The following CDH4 variants were observed in gnomAD, a reference collection of about 807,000 sequenced individuals.
CDH4 encodes cadherin-4.
In CDH4, 33 loss-of-function variants were observed where a neutral mutation model predicts 86.0. That is an observed-to-expected ratio of 0.38 (90% CI 0.29 to 0.51). The LOEUF (loss-of-function observed/expected upper bound fraction) is 0.51, where lower values mean the gene tolerates loss of function less well. Among genes scored for constraint, CDH4 ranks in the 20% least tolerant of loss-of-function variants. The pLI is 0.86. For synonymous variants in CDH4, 555 were observed against 549.4 expected (o/e 1.01, Z -0.14); for missense variants, 1,114 against 1,307.4 (o/e 0.85, Z 2.28).
intron 7 of CDH4, among the ~76,000 whole-genome samples, chr20:61,893,935 T>A (rs576015430): frequency 6.6e-6 from 1 of 152,222 alleles, no homozygotes; most frequent in African/African-American, 2.4e-5. Context: ...CGGAGCCAGT[T>A]TATGGAACTT....
At chr20:61,421,448 T>C (rs1024881027) in intron 2 of CDH4, among the ~76,000 whole-genome samples, 1 of 152,182 alleles carries the variant, frequency 6.6e-6, no homozygotes, top group African/African-American at 2.4e-5. Context: ...GATGCTTTCA[T>C]TGATAGGAAA....
intron 6 of CDH4, among the ~76,000 whole-genome samples, chr20:61,869,425 C>T (rs756429449): frequency 1.3e-5 from 2 of 152,270 alleles, no homozygotes; most frequent in Non-Finnish European, 2.9e-5. Context: ...GACATACATA[C>T]TGTCCAGCCC....
intron 4 of CDH4, among the ~76,000 whole-genome samples, chr20:61,796,519 C>A (rs1223688579): frequency 1.3e-5 from 2 of 152,234 alleles, no homozygotes; most frequent in Non-Finnish European, 2.9e-5. Flanking sequence ...TAGATGAGGT[C>A]CTGCTTGCCA....
chr20:61,711,853 G>T (rs1222294890), intron 2 of CDH4, among the ~76,000 whole-genome samples: 1 of 152,108 alleles, frequency 6.6e-6, no homozygotes, highest in Admixed American at 6.5e-5. Flanking sequence ...TGAGGAAGTG[G>T]TATTCCAGCT....
At chr20:61,362,731 G>C (rs1411720597) in intron 2 of CDH4, among the ~76,000 whole-genome samples, 6 of 152,072 alleles carry the variant, frequency 3.9e-5, no homozygotes, top group Non-Finnish European at 8.8e-5. Flanking sequence ...ATGGGGTGGG[G>C]GGCACTCCCC....
chr20:61,538,479 C>T (rs2086014784), intron 2 of CDH4, among the ~76,000 whole-genome samples: 1 of 152,206 alleles, frequency 6.6e-6, no homozygotes, highest in Non-Finnish European at 1.5e-5. Flanking sequence ...CACTCCTGAC[C>T]TCATCCTTCC....
At chr20:61,678,599 C>T (rs1293222211) in intron 2 of CDH4, among the ~76,000 whole-genome samples, 1 of 152,210 alleles carries the variant, frequency 6.6e-6, no homozygotes, top group Non-Finnish European at 1.5e-5. Flanking sequence ...ACCAACTGGG[C>T]ACCTTAAAAT....
chr20:61,724,541 G>A (rs934454685), intron 2 of CDH4, among the ~76,000 whole-genome samples: 6 of 152,212 alleles, frequency 3.9e-5, no homozygotes, highest in African/African-American at 1.4e-4. Flanking sequence ...CAAAACAAAG[G>A]CCCTTCCAGA....
At chr20:61,365,329 C>A (rs2084805521) in intron 2 of CDH4, among the ~76,000 whole-genome samples, 1 of 152,166 alleles carries the variant, frequency 6.6e-6, no homozygotes, top group East Asian at 1.9e-4. Flanking sequence ...GGCTTGGCTT[C>A]TCTTTGTGTT....
intron 2 of CDH4, among the ~76,000 whole-genome samples, chr20:61,606,659 A>G (rs969662041): frequency 6.6e-6 from 1 of 151,858 alleles, no homozygotes; most frequent in African/African-American, 2.4e-5. Flanking sequence ...TGGGAAGTGC[A>G]CCCCGCCGCT....
chr20:61,896,375 G>GGGCCTCCTGCGTCCTGCATCCC (rs1985119039), intron 8 of CDH4, among the ~76,000 whole-genome samples: 1 of 152,244 alleles, frequency 6.6e-6, no homozygotes, highest in African/African-American at 2.4e-5. Context: ...TCCCGCATCT[G>GGGCCTCCTGCGTCCTGCATCCC]GGCCTCCTGC....
At position 61,688,584 on chromosome 20, in the gene CDH4, G is replaced by A. The variant is rs1478568447; in HGVS notation, c.170-54979G>A. Among the ~76,000 whole-genome samples, 5 of 152,214 alleles carry A rather than the reference G, an allele frequency of 3.3e-5. 1 individual carries two copies. The highest frequency in any genetic ancestry group is 6.5e-5 in the Admixed American group (1 of 15,292). ...CGGAAGCACTGGGACACAGGCTGGA[G>A]TCCTCCAGGGACTCGCAGCATCTCT... On this transcript the variant is annotated intron_variant, in intron 2 of 15. Transcript: ENST00000614565.
intron 11 of CDH4, among the ~76,000 whole-genome samples, chr20:61,927,658 C>T (rs1398241569): frequency 6.6e-6 from 1 of 152,208 alleles, no homozygotes; most frequent in Non-Finnish European, 1.5e-5. Flanking sequence ...CAGATGGGGG[C>T]AAGATGTGGT....
rs1227462894 is a variant in CDH4 at position 61,392,844 on chromosome 20, A to G, written c.169+137907A>G. 6.6e-6 allele frequency among the ~76,000 whole-genome samples: 1 copy of G among 152,120 alleles called. No homozygotes were observed. Among genetic ancestry groups the G allele is most frequent in the Non-Finnish European group, 1.5e-5 (1 of 68,022 alleles). ...GAAATGTCAGATGCATTCGTCTTCC[A>G]TTAGCCCCTCCACCATCCCCTGTGT... On this transcript the variant is annotated intron_variant, in intron 2 of 15. Transcript: ENST00000614565. The surrounding 1 kb of genome is among the most constrained non-coding windows in gnomAD (Gnocchi z 5.7).
chr20:61,577,383 G>GT (rs747482022), intron 2 of CDH4, among the ~76,000 whole-genome samples: 1 of 151,428 alleles, frequency 6.6e-6, no homozygotes, highest in African/African-American at 2.4e-5. Flanking sequence ...ATGAGTGGAT[G>GT]TTTGTATATT....
chr20:61,324,803 T>G (rs2084528035), intron 2 of CDH4, among the ~76,000 whole-genome samples: 1 of 152,176 alleles, frequency 6.6e-6, no homozygotes, highest in Non-Finnish European at 1.5e-5. Context: ...TCAAGGCACT[T>G]CGGCTGTGTG....
intron 4 of CDH4, among the ~76,000 whole-genome samples, chr20:61,775,178 G>GTAGA (rs545849406): frequency 4.3e-4 from 65 of 152,278 alleles, no homozygotes; most frequent in African/African-American, 1.6e-3. Flanking sequence ...AAAGCTGACT[G>GTAGA]TAGAGAAAAG....
chr20:61,764,656 C>T (rs1312387012), intron 3 of CDH4, among the ~76,000 whole-genome samples: 3 of 152,212 alleles, frequency 2.0e-5, no homozygotes, highest in Non-Finnish European at 4.4e-5. Flanking sequence ...GGGGCTTTGT[C>T]GTGCATCCGC....
intron 4 of CDH4, among the ~76,000 whole-genome samples, chr20:61,805,940 G>C (rs1189488244): frequency 6.6e-6 from 1 of 152,198 alleles, no homozygotes; most frequent in South Asian, 2.1e-4. Context: ...TCACTCACTC[G>C]GTGTCCACTG....
Sources: allele counts gnomAD v4.1 joint callset (sites outside exome capture counted in the v4.1 genomes callset), GRCh38; gene constraint gnomAD v4.1.1; non-coding constraint Gnocchi (gnomAD v3.1); transcripts MANE v1.5; gene names NCBI Gene and HGNC (gene_info 2026-07-23, HGNC 2026-07-21).